Variants in RFX8 observed in about 807,000 individuals in gnomAD.
RFX8 encodes the protein regulatory factor X8.
RFX8 carries 46 observed loss-of-function variants against 54.6 expected under a neutral mutation model. The observed-to-expected ratio is 0.84, with a 90% CI of 0.67 to 1.08. RFX8 has a LOEUF of 1.08. Ranked by LOEUF, RFX8 falls within the 50% of genes least tolerant of loss-of-function variation. The pLI is 0.00. For synonymous variants in RFX8, 192 were observed against 209.5 expected (o/e 0.92, Z 0.72); for missense variants, 536 against 562.3 (o/e 0.95, Z 0.47).
At position 101,402,501 on chromosome 2, in the gene RFX8, C is replaced by A. The variant is rs375213952; in HGVS notation, c.1180G>T (p.Val394Leu). 2.3e-5 allele frequency: 35 copies of A among 1,551,668 alleles called. No homozygotes were observed. In the African/African-American group the frequency reaches 4.7e-4, roughly 21 times the overall value. ...PTHMGQGRYP[V>L]GVSNMVLRIL... ...CTGAGGACCATGTTGCTCACACCCA[C>A]GGGATATCGGCCCTGGCCCATGTGT... is the stretch of plus-strand genomic sequence containing the variant. Residue 394 changes from valine to leucine, a missense_variant, in exon 11 of 12, where the codon GTG becomes TTG. By Grantham distance (32) the Val-to-Leu change is conservative. Coordinates refer to ENST00000428343, the MANE Select transcript of RFX8 (RefSeq NM_001145664.2).
intron 2 of RFX8, among the ~76,000 whole-genome samples, chr2:101,423,309 G>T (rs914713353): frequency 6.6e-6 from 1 of 150,876 alleles, no homozygotes; most frequent in African/African-American, 2.4e-5. Flanking sequence ...GAGGAAGAAA[G>T]GTGGCATGGC....
At chr2:101,466,750 G>C (rs766614514) in intron 2 of RFX8, 27 bp downstream of exon 2, 13 of 1,497,172 alleles carry the variant, frequency 8.7e-6, no homozygotes, top group South Asian at 3.6e-5. Context: ...TCAGTGAATA[G>C]AGCGTTCTTA....
chr2:101,469,041 T>TGTAG (rs1558896312), intron 1 of RFX8, among the ~76,000 whole-genome samples: 2 of 20,874 alleles, frequency 9.6e-5, no homozygotes, highest in African/African-American at 3.1e-4. Context: ...CGTATATATA[T>TGTAG]GTATATATAT....
chr2:101,422,242 AGCAAAG>A, intron 3 of RFX8, 114 bp downstream of exon 3: 1 of 646,544 alleles, frequency 1.5e-6, no homozygotes, highest in Non-Finnish European at 2.8e-6. Flanking sequence ...TCACGGGTCC[AGCAAAG>A]GCAAACATTA....
intron 2 of RFX8, among the ~76,000 whole-genome samples, chr2:101,464,165 A>G (rs949867306): frequency 6.6e-6 from 1 of 152,198 alleles, no homozygotes. Context: ...ATGTCTGCAA[A>G]TGAACTACAC....
chr2:101,464,727 C>T (rs1352256842), intron 2 of RFX8, among the ~76,000 whole-genome samples: 1 of 152,144 alleles, frequency 6.6e-6, no homozygotes, highest in Admixed American at 6.6e-5. Flanking sequence ...ATAAAAAATG[C>T]CTCCTAGCTG....
intron 2 of RFX8, among the ~76,000 whole-genome samples, chr2:101,437,569 G>A (rs1263563739): frequency 6.6e-6 from 1 of 150,650 alleles, no homozygotes; most frequent in Non-Finnish European, 1.5e-5. Context: ...GGCAACAGGT[G>A]TTTCAAAAAA....
chr2:101,461,962 A>G (rs887103483), intron 2 of RFX8, among the ~76,000 whole-genome samples: 3 of 152,212 alleles, frequency 2.0e-5, no homozygotes, highest in Non-Finnish European at 4.4e-5. Flanking sequence ...TAAGAATACC[A>G]TGAATTATCA....
intron 1 of RFX8, chr2:101,474,161 C>A: frequency 1.6e-6 from 1 of 616,164 alleles, no homozygotes; most frequent in Non-Finnish European, 2.9e-6. Flanking sequence ...TCCCCGGCCC[C>A]ACCTCCTCCA....
chr2:101,460,739 C>T (rs1053785236), intron 2 of RFX8, among the ~76,000 whole-genome samples: 2 of 150,408 alleles, frequency 1.3e-5, no homozygotes, highest in African/African-American at 4.9e-5. Context: ...ATCCCTCTTT[C>T]TTTCTTTTTT....
intron 2 of RFX8, among the ~76,000 whole-genome samples, chr2:101,461,468 A>T (rs951589311): frequency 6.6e-6 from 1 of 152,134 alleles, no homozygotes; most frequent in African/African-American, 2.4e-5. Context: ...CAAAATCCAG[A>T]TGCACGTCTT....
intron 9 of RFX8, among the ~76,000 whole-genome samples, chr2:101,409,646 C>T (rs923254327): frequency 1.6e-4 from 25 of 152,218 alleles, no homozygotes; most frequent in Non-Finnish European, 2.6e-4. Context: ...ATTACAGGTG[C>T]GTGCCACCAT....
intron 1 of RFX8, among the ~76,000 whole-genome samples, chr2:101,468,312 C>T (rs1012357707): frequency 6.6e-6 from 1 of 152,092 alleles, no homozygotes; most frequent in Non-Finnish European, 1.5e-5. Context: ...AGACCCTGCT[C>T]GATACTTTTC....
chr2:101,455,816 A>G (rs957069763), intron 2 of RFX8, among the ~76,000 whole-genome samples: 5 of 152,154 alleles, frequency 3.3e-5, no homozygotes, highest in African/African-American at 1.2e-4. Flanking sequence ...CAGTATGGCC[A>G]TTTTCACGAT....
intron 8 of RFX8, among the ~76,000 whole-genome samples, chr2:101,412,067 G>A (rs1359728410): frequency 6.6e-6 from 1 of 152,190 alleles, no homozygotes; most frequent in Admixed American, 6.5e-5. Context: ...ACAGCTGAGA[G>A]TACTACCAAG....
chr2:101,407,946 G>A (rs754752666), intron 9 of RFX8, among the ~76,000 whole-genome samples: 1 of 152,188 alleles, frequency 6.6e-6, no homozygotes, highest in African/African-American at 2.4e-5. Flanking sequence ...AAGCCCAAAG[G>A]TGTGCATCTT....
intron 1 of RFX8, among the ~76,000 whole-genome samples, chr2:101,468,523 CGA>C (rs1262364645): frequency 3.3e-5 from 5 of 151,964 alleles, no homozygotes; most frequent in African/African-American, 1.2e-4. Context: ...CTCCTGGGCT[CGA>C]GCGCTCCACC....
At position 101,446,218 on chromosome 2, in the gene RFX8, C is replaced by T. The variant is rs577363858; in HGVS notation, c.72+20559G>A. ...TGAGATGGTGTCTCACTCTGTCACC[C>T]AGGCTGGAGTGCAGTGGCGTGATCT... On this transcript the variant is annotated intron_variant, in intron 2 of 11. Coordinates refer to ENST00000428343, the MANE Select transcript of RFX8 (RefSeq NM_001145664.2). Among the ~76,000 whole-genome samples, 17 of 152,264 alleles carry T rather than the reference C, an allele frequency of 1.1e-4. No individual in the cohort carries two copies. In the South Asian group the frequency reaches 2.3e-3, roughly 20 times the overall value.
intron 6 of RFX8, among the ~76,000 whole-genome samples, chr2:101,415,377 C>A (rs1023877859): frequency 3.3e-5 from 5 of 152,182 alleles, no homozygotes; most frequent in Non-Finnish European, 5.9e-5. Flanking sequence ...TCCCCAGACA[C>A]CCATCTGCTG....
Sources: gnomAD v4.1 joint callset for allele counts (sites outside exome capture counted in the v4.1 genomes callset) on GRCh38, gnomAD v4.1.1 for gene constraint, MANE v1.5 for transcripts, NCBI Gene and HGNC (gene_info 2026-07-23, HGNC 2026-07-21) for gene names.